The following RBFOX1 variants were observed in gnomAD, a reference collection of about 807,000 sequenced individuals.
The protein encoded by RBFOX1 is RNA binding fox-1 homolog 1, also known as RNA binding protein fox-1 homolog 1.
A neutral mutation model predicts 57.7 loss-of-function variants in RBFOX1; 8 were observed. That is an observed-to-expected ratio of 0.14 (90% CI 0.08 to 0.25). The LOEUF (loss-of-function observed/expected upper bound fraction) is 0.25, where lower values mean the gene tolerates loss of function less well. Ranked by LOEUF, RBFOX1 falls within the 10% of genes least tolerant of loss-of-function variation. The pLI is 1.00. For missense variants in RBFOX1, 611 were observed against 548.5 expected (o/e 1.11, Z -1.14); for synonymous variants, 326 against 222.4 (o/e 1.47, Z -4.15).
chr16:7,222,375 C>T (rs1567774159), intron 4 of RBFOX1, among the ~76,000 whole-genome samples: 1 of 152,232 alleles, frequency 6.6e-6, no homozygotes, highest in Non-Finnish European at 1.5e-5. Context: ...ATTATGAATA[C>T]ATTCCTCAGC....
At chr16:6,290,927 G>A (rs576538869) in intron 1 of RBFOX1, among the ~76,000 whole-genome samples, 1 of 152,226 alleles carries the variant, frequency 6.6e-6, no homozygotes, top group Admixed American at 6.5e-5. Context: ...TAAAAGAATG[G>A]CTACTCCATA....
intron 2 of RBFOX1, among the ~76,000 whole-genome samples, chr16:6,553,063 C>A (rs2097022499): frequency 6.6e-6 from 1 of 152,118 alleles, no homozygotes; most frequent in South Asian, 2.1e-4. Context: ...CAGCAACTTC[C>A]AGTTACAGCC....
intron 4 of RBFOX1, among the ~76,000 whole-genome samples, chr16:7,225,947 G>C (rs2093085554): frequency 7.1e-6 from 1 of 141,436 alleles, no homozygotes; most frequent in African/African-American, 2.9e-5. Flanking sequence ...TTCTGAGATG[G>C]GTGTCAGGAA....
intron 2 of RBFOX1, among the ~76,000 whole-genome samples, chr16:6,643,421 AGTTTTGTTTT>A (rs111708867): frequency 1.7e-4 from 25 of 150,938 alleles, no homozygotes; most frequent in African/African-American, 3.4e-4. Context: ...TTTGTTTGTT[AGTTTTGTTTT>A]GTTTTGTTTT....
intron 3 of RBFOX1, among the ~76,000 whole-genome samples, chr16:5,736,033 A>G (rs986984363): frequency 1.1e-4 from 17 of 152,156 alleles, no homozygotes; most frequent in African/African-American, 3.9e-4. Flanking sequence ...AGGAACAAAG[A>G]CGGTGACATG....
chr16:6,932,050 G>A (rs927858793), intron 3 of RBFOX1, among the ~76,000 whole-genome samples: 1 of 152,190 alleles, frequency 6.6e-6, no homozygotes, highest in Non-Finnish European at 1.5e-5. Flanking sequence ...ATCCATTCTT[G>A]AGGGCAGAGC....
chr16:7,098,115 C>A (rs144343710), intron 4 of RBFOX1, among the ~76,000 whole-genome samples: 142 of 152,240 alleles, frequency 9.3e-4, no homozygotes, highest in African/African-American at 3.2e-3. Flanking sequence ...AGGAAAGGAA[C>A]ACAATTAGTT....
intron 2 of RBFOX1, among the ~76,000 whole-genome samples, chr16:5,484,152 C>T (rs1041384891): frequency 6.6e-6 from 1 of 152,212 alleles, no homozygotes; most frequent in Non-Finnish European, 1.5e-5. Context: ...GCCTGGGAAA[C>T]AGAGCAAGAT....
intron 1 of RBFOX1, among the ~76,000 whole-genome samples, chr16:5,423,687 G>A (rs138401746): frequency 0.01 from 1,543 of 152,264 alleles, 20 homozygotes; most frequent in Admixed American, 0.038. Context: ...CTATCTTGCT[G>A]TCTGCTCTGT....
chr16:6,994,651 A>G (rs142193391), intron 3 of RBFOX1, among the ~76,000 whole-genome samples: 1 of 152,338 alleles, frequency 6.6e-6, no homozygotes, highest in East Asian at 1.9e-4. Flanking sequence ...AGAAAGTGCC[A>G]TCCACTTAAT....
intron 3 of RBFOX1, among the ~76,000 whole-genome samples, chr16:6,910,629 C>T (rs548018576): frequency 1.3e-5 from 2 of 152,272 alleles, no homozygotes; most frequent in Admixed American, 1.3e-4. Flanking sequence ...AGGCAGTTTC[C>T]CATCTTTGTC....
At chr16:7,586,106 T>A (rs2094109192) in intron 6 of RBFOX1, among the ~76,000 whole-genome samples, 1 of 152,240 alleles carries the variant, frequency 6.6e-6, no homozygotes, top group Admixed American at 6.5e-5. Context: ...AATATTTATG[T>A]TGCCCTGTTT....
intron 3 of RBFOX1, among the ~76,000 whole-genome samples, chr16:6,911,214 A>G (rs962349493): frequency 3.9e-5 from 6 of 152,046 alleles, no homozygotes; most frequent in Non-Finnish European, 8.8e-5. Flanking sequence ...AAAAAAAAAA[A>G]AAAAGCAAAC....
intron 1 of RBFOX1, among the ~76,000 whole-genome samples, chr16:6,081,656 AT>A (rs1355557628): frequency 1.3e-5 from 2 of 152,122 alleles, no homozygotes; most frequent in African/African-American, 4.8e-5. Flanking sequence ...AGGTTGGCTG[AT>A]TTTATTTATT....
intron 3 of RBFOX1, among the ~76,000 whole-genome samples, chr16:6,910,573 C>T (rs115441803): frequency 6.6e-6 from 1 of 152,150 alleles, no homozygotes; most frequent in East Asian, 1.9e-4. Flanking sequence ...GGGGTAAAAT[C>T]AAAGCCTCAG....
chr16:5,342,149 G>A (rs2065046420), intron 1 of RBFOX1, among the ~76,000 whole-genome samples: 1 of 152,156 alleles, frequency 6.6e-6, no homozygotes, highest in South Asian at 2.1e-4. Context: ...CCTTCTAATT[G>A]CTTTGCATAT....
chr16:6,824,800 A>C (rs1039290554), intron 3 of RBFOX1, among the ~76,000 whole-genome samples: 2 of 151,960 alleles, frequency 1.3e-5, no homozygotes. Context: ...ATATATTTTT[A>C]AATTTGTAAT....
chr16:7,484,734 G>C (rs2064943483), intron 4 of RBFOX1, among the ~76,000 whole-genome samples: 1 of 152,180 alleles, frequency 6.6e-6, no homozygotes, highest in Non-Finnish European at 1.5e-5. Context: ...AAAGTTCTGG[G>C]ATGACAGGCA....
intron 1 of RBFOX1, among the ~76,000 whole-genome samples, chr16:6,193,387 AT>A (rs1567650933): frequency 1.6e-4 from 6 of 37,552 alleles, no homozygotes; most frequent in Non-Finnish European, 2.8e-4. Context: ...CATTATATAT[AT>A]ATACTATATA....
Sources: gnomAD v4.1 joint callset for allele counts (sites outside exome capture counted in the v4.1 genomes callset) on GRCh38, gnomAD v4.1.1 for gene constraint, MANE v1.5 for transcripts, NCBI Gene and HGNC (gene_info 2026-07-23, HGNC 2026-07-21) for gene names.